NUDT5: variants seen among roughly 807,000 people sequenced by gnomAD.
The protein encoded by NUDT5 is ADP-sugar pyrophosphatase.
NUDT5 carries 21 observed loss-of-function variants against 34.1 expected under a neutral mutation model. The ratio of observed to expected loss-of-function variants is 0.62; its 90% CI spans 0.44 to 0.89. The LOEUF (loss-of-function observed/expected upper bound fraction) is 0.89, where lower values mean the gene tolerates loss of function less well. NUDT5 is among the 40% of genes least tolerant of loss of function. The pLI, the probability that NUDT5 is intolerant of heterozygous loss-of-function variation, is 0.00. For synonymous variants in NUDT5, 85 were observed against 97.6 expected (o/e 0.87, Z 0.76); for missense variants, 249 against 274.8 (o/e 0.91, Z 0.66).
chr10:12,176,321 T>C (rs1037347020), intron 5 of NUDT5, among the ~76,000 whole-genome samples: 4 of 152,216 alleles, frequency 2.6e-5, no homozygotes, highest in African/African-American at 9.6e-5. Context: ...TATAAAACTT[T>C]GGCTGGGTGT....
At chr10:12,192,456 C>A (rs1397233007) in intron 1 of NUDT5, among the ~76,000 whole-genome samples, 1 of 152,036 alleles carries the variant, frequency 6.6e-6, no homozygotes, top group Non-Finnish European at 1.5e-5. Flanking sequence ...AGAATAATTA[C>A]AAAGAAAAGT....
chr10:12,190,054 T>C (rs1332136274), intron 1 of NUDT5, among the ~76,000 whole-genome samples: 3 of 152,106 alleles, frequency 2.0e-5, no homozygotes, highest in Non-Finnish European at 4.4e-5. Context: ...CCACCATGCC[T>C]GATTAATTTT....
chr10:12,165,483 G>A lies in NUDT5; in HGVS notation c.*2219C>T, dbSNP rs966823976. On this transcript the variant is annotated 3_prime_UTR_variant, in exon 10 of 10. Transcript: ENST00000491614. ...CCTGAGATGCCTGTAAAAGTCAAAT[G>A]TAATTACACTTCAAACTTTAATCCT... is the stretch of plus-strand genomic sequence containing the variant. 6 of 440,504 alleles carry A rather than the reference G, an allele frequency of 1.4e-5. No individual in the cohort carries two copies. The highest frequency in any genetic ancestry group is 1.8e-5 in the Non-Finnish European group (6 of 332,214). The allele number at this position is 440,504 out of a possible 1,614,324, so 27.3% of individuals were successfully genotyped here.
chr10:12,169,493 G>A lies in NUDT5; in HGVS notation c.550+1224C>T, dbSNP rs1355303313. 2.9e-5 allele frequency: 16 copies of A among 554,218 alleles called. No homozygotes were observed. In the East Asian group the frequency reaches 4.6e-4, roughly 16 times the overall value. 34.3% of individuals were successfully genotyped at this position (554,218 alleles called of 1,614,324 possible). On this transcript the variant is annotated intron_variant, in intron 9 of 9. Transcript: ENST00000491614. This position sits in a 1 kb window ranked among gnomAD's most constrained non-coding sequence, Gnocchi z 4.8. ...ATTATGGTCCGCGGAGCCTCAAACC[G>A]AGTCGGGCCTGTGACTCCGAGCTGC...
rs973987382 is a variant in NUDT5 at position 12,182,084 on chromosome 10, A to G, written c.131+2805T>C. Among the ~76,000 whole-genome samples, 5 of 151,632 alleles carry G rather than the reference A, an allele frequency of 3.3e-5. No individual in the cohort carries two copies. Among genetic ancestry groups the G allele is most frequent in the South Asian group, 2.1e-4 (1 of 4,812 alleles). On this transcript the variant is annotated intron_variant, in intron 3 of 9. Transcript: ENST00000491614. This position sits in a 1 kb window ranked among gnomAD's most constrained non-coding sequence, Gnocchi z 4.3. Reference sequence around the variant, plus strand: ...GTAGAGGTTGCAGTGAGCTGAGACCACACCATTGCACTCTAGCCTGGGCAA... The same window carrying G: ...GTAGAGGTTGCAGTGAGCTGAGACCGCACCATTGCACTCTAGCCTGGGCAA...
Position 12,175,660 on chromosome 10 carries a change from T to C in NUDT5, c.290-1847A>G, listed in dbSNP as rs960856620. Among the ~76,000 whole-genome samples, 4 of 151,846 alleles carry C rather than the reference T, an allele frequency of 2.6e-5. No individual in the cohort carries two copies. The highest frequency in any genetic ancestry group is 9.7e-5 in the African/African-American group (4 of 41,406). On this transcript the variant is annotated intron_variant, in intron 5 of 9. Transcript: ENST00000491614. This position sits in a 1 kb window ranked among gnomAD's most constrained non-coding sequence, Gnocchi z 4.8. ...TAGTCTCAAAAAAAGAGCCCGGGCATGGCGGCTCACACCTGTAATCTTAGC... is the reference window on the plus strand; with the variant it reads ...TAGTCTCAAAAAAAGAGCCCGGGCACGGCGGCTCACACCTGTAATCTTAGC...
intron 5 of NUDT5, among the ~76,000 whole-genome samples, chr10:12,177,391 C>T (rs112963446): frequency 1.2e-3 from 181 of 151,844 alleles, no homozygotes; most frequent in African/African-American, 4.3e-3. Flanking sequence ...TGGTGGCGGG[C>T]GCCTGTAGTC....
At chr10:12,190,330 A>G (rs899849203) in intron 1 of NUDT5, among the ~76,000 whole-genome samples, 1 of 152,228 alleles carries the variant, frequency 6.6e-6, no homozygotes, top group Non-Finnish European at 1.5e-5. Flanking sequence ...AGAGCATAAA[A>G]AAAACACTAG....
chr10:12,193,116 G>C (rs113317998), intron 1 of NUDT5, among the ~76,000 whole-genome samples: 35 of 152,308 alleles, frequency 2.3e-4, no homozygotes, highest in African/African-American at 8.4e-4. Flanking sequence ...CCTTGGGAAG[G>C]TGAATTGGTT....
chr10:12,188,496 G>C (rs1322777636), intron 1 of NUDT5, among the ~76,000 whole-genome samples: 7 of 152,290 alleles, frequency 4.6e-5, no homozygotes, highest in African/African-American at 1.7e-4. Context: ...ACTTTGGGAG[G>C]CCAGGGCGGG....
rs564762382 is a variant in NUDT5 at position 12,173,358 on chromosome 10, G to A, written c.385+360C>T. Reference sequence around the variant, plus strand: ...CGAGTAGCTGGGATCACAGGTGTGCGCCACCCGGCTAATTTTTGTATTTTT... The same window carrying A: ...CGAGTAGCTGGGATCACAGGTGTGCACCACCCGGCTAATTTTTGTATTTTT... On this transcript the variant is annotated intron_variant, in intron 6 of 9. Coordinates refer to ENST00000491614, the MANE Select transcript of NUDT5 (RefSeq NM_014142.4). The surrounding 1 kb of genome is among the most constrained non-coding windows in gnomAD (Gnocchi z 4.7). 1.3e-5 allele frequency among the ~76,000 whole-genome samples: 2 copies of A among 152,168 alleles called. No homozygotes were observed. The highest frequency in any genetic ancestry group is 1.9e-4 in the East Asian group (1 of 5,176).
rs554914931 is a variant in NUDT5, at chr10:12,186,387, C to T, written c.-41-55G>A. ...AAATTATTTTTCTGAATTAAACATT[C>T]GTCCACAGGACACTAGTCAAAGTAC... On this transcript the variant is annotated intron_variant, in intron 1 of 9. Coordinates refer to ENST00000491614, the MANE Select transcript of NUDT5 (RefSeq NM_014142.4). The T allele has an allele frequency of 2.0e-4, 196 of 969,240 alleles. 1 individual carries two copies. The South Asian group carries it at 2.3e-3, about 12-fold the overall frequency. The allele number at this position is 969,240 out of a possible 1,614,324, so 60.0% of individuals were successfully genotyped here.
In NUDT5 at chr10:12,172,752, GAC is replaced by G. The variant is rs762660524; in HGVS notation, c.487+11_487+12del. On this transcript the variant is annotated intron_variant, in intron 7 of 9. Coordinates refer to ENST00000491614, the MANE Select transcript of NUDT5 (RefSeq NM_014142.4). ...CAACCACACCACCTTCATCACAGCCGACACACACATACCTGGCTTTGGCTTCG... is the reference window on the plus strand; with the variant it reads ...CAACCACACCACCTTCATCACAGCCGACACACATACCTGGCTTTGGCTTCG... 69 of 1,594,522 alleles carry G rather than the reference GAC, an allele frequency of 4.3e-5. 2 individuals are homozygous for G. The highest frequency in any genetic ancestry group is 3.6e-4 in the East Asian group (16 of 44,804).
intron 1 of NUDT5, among the ~76,000 whole-genome samples, chr10:12,189,326 G>A (rs573046911): frequency 9.5e-4 from 145 of 152,162 alleles, no homozygotes; most frequent in African/African-American, 2.5e-3. Context: ...GGCTGGCCTC[G>A]AACTCCTGAC....
chr10:12,170,170 G>A lies in NUDT5; in HGVS notation c.550+547C>T, dbSNP rs369611107. Reference sequence around the variant, plus strand: ...TTTACAAAGTCTCTAAAAGATGGGTGGCCAAGAATTATACAATGCATCTAC... The same window carrying A: ...TTTACAAAGTCTCTAAAAGATGGGTAGCCAAGAATTATACAATGCATCTAC... On this transcript the variant is annotated intron_variant, in intron 9 of 9. Coordinates refer to ENST00000491614, the MANE Select transcript of NUDT5 (RefSeq NM_014142.4). The surrounding 1 kb of genome is among the most constrained non-coding windows in gnomAD (Gnocchi z 4.9). 110 of 1,612,626 alleles carry A rather than the reference G, an allele frequency of 6.8e-5. No homozygotes were observed. The African/African-American group carries it at 1.3e-3, about 20-fold the overall frequency.
chr10:12,184,635 T>C, intron 3 of NUDT5: 7 of 1,064,004 alleles, frequency 6.6e-6, no homozygotes, highest in Non-Finnish European at 9.5e-6. Context: ...CCAAAAGTTT[T>C]AGGTCTACAC....
At chr10:12,172,543 T>C (rs1834875319) in intron 7 of NUDT5, 1 of 581,518 alleles carries the variant, frequency 1.7e-6, no homozygotes, top group South Asian at 2.1e-5. Context: ...AAATATGTCA[T>C]TTAACATTTT....
At chr10:12,194,872 G>T (rs1455951456) in intron 1 of NUDT5, among the ~76,000 whole-genome samples, 1 of 136,598 alleles carries the variant, frequency 7.3e-6, no homozygotes, top group Non-Finnish European at 1.5e-5. Flanking sequence ...AAAAGCGGCT[G>T]GTTGGTAGGC....
Position 12,174,485 on chromosome 10 carries a change from C to T in NUDT5, c.290-672G>A, listed in dbSNP as rs1401408768. Among the ~76,000 whole-genome samples, 9 of 151,730 alleles carry T rather than the reference C, an allele frequency of 5.9e-5. No homozygotes were observed. The South Asian group carries it at 1.0e-3, about 18-fold the overall frequency. ...TTGTATTTAGTCTCACCATGTTGGC[C>T]AGGCTGCTTTCGAACTCCTGGCCTC... On this transcript the variant is annotated intron_variant, in intron 5 of 9. Transcript: ENST00000491614.
Sources: gnomAD v4.1 joint callset for allele counts (sites outside exome capture counted in the v4.1 genomes callset) on GRCh38, gnomAD v4.1.1 for gene constraint, Gnocchi (gnomAD v3.1) non-coding constraint, MANE v1.5 for transcripts, NCBI Gene and HGNC (gene_info 2026-07-23, HGNC 2026-07-21) for gene names.